Variants in CDH22 observed in about 807,000 individuals in gnomAD.
CDH22 encodes cadherin-22.
Under a neutral mutation model 58.4 loss-of-function variants are expected in CDH22, and 30 were observed. The ratio of observed to expected loss-of-function variants is 0.51; its 90% CI spans 0.38 to 0.70. The LOEUF is 0.70. Ranked by LOEUF, CDH22 falls within the 30% of genes least tolerant of loss-of-function variation. CDH22 has a pLI of 0.00. For missense variants in CDH22, 1,014 were observed against 1,233.9 expected (o/e 0.82, Z 2.67); for synonymous variants, 513 against 558.2 (o/e 0.92, Z 1.14).
chr20:46,243,107 C>A (rs2086303639), intron 2 of CDH22, among the ~76,000 whole-genome samples: 1 of 152,196 alleles, frequency 6.6e-6, no homozygotes, highest in African/African-American at 2.4e-5. Flanking sequence ...ACAAGAGAAT[C>A]CCTAAAGTTC....
At chr20:46,277,944 T>C (rs1314871940) in intron 1 of CDH22, among the ~76,000 whole-genome samples, 1 of 151,104 alleles carries the variant, frequency 6.6e-6, no homozygotes, top group Non-Finnish European at 1.5e-5. Context: ...AGGAGAGAGT[T>C]GGGTGTGCTC....
Position 46,277,787 on chromosome 20 carries a change from G to A in CDH22, c.-399-26094C>T, listed in dbSNP as rs556664024. On this transcript the variant is annotated intron_variant, in intron 1 of 11. Transcript: ENST00000537909. ...CCTGTGACCTGGTGATGGTTGTAAC[G>A]AGGAGGGGGCGGGCACCAGATTGGA... Among the ~76,000 whole-genome samples, 206 of 152,216 alleles carry A rather than the reference G, an allele frequency of 1.4e-3. 4 individuals carry two copies. In the South Asian group the frequency reaches 0.039, roughly 29 times the overall value.
At chr20:46,208,595 T>C (rs530743034) in intron 7 of CDH22, among the ~76,000 whole-genome samples, 3 of 152,196 alleles carry the variant, frequency 2.0e-5, no homozygotes, top group Admixed American at 2.0e-4. Flanking sequence ...TTTAATTAAT[T>C]AATTAATTTA....
At chr20:46,195,559 G>C (rs6032716) in intron 8 of CDH22, among the ~76,000 whole-genome samples, 6 of 152,160 alleles carry the variant, frequency 3.9e-5, no homozygotes, top group African/African-American at 1.4e-4. Flanking sequence ...AGTGTGGCTG[G>C]GTGCCCCCCT....
chr20:46,242,571 G>A (rs1423144095), intron 2 of CDH22, among the ~76,000 whole-genome samples: 4 of 152,248 alleles, frequency 2.6e-5, no homozygotes, highest in African/African-American at 7.2e-5. Flanking sequence ...CAGCCAGCAC[G>A]GTGGGGGCAC....
At chr20:46,293,645 G>A (rs1009316018) in intron 1 of CDH22, among the ~76,000 whole-genome samples, 2 of 152,102 alleles carry the variant, frequency 1.3e-5, no homozygotes, top group African/African-American at 4.8e-5. Context: ...TCAGTTCCTG[G>A]TTTTGGGGGT....
chr20:46,306,490 A>G (rs1317927693), intron 1 of CDH22, among the ~76,000 whole-genome samples: 1 of 152,234 alleles, frequency 6.6e-6, no homozygotes, highest in African/African-American at 2.4e-5. Context: ...CTGGCTTTAT[A>G]AAGTACCTGC....
chr20:46,234,910 C>A (rs1466156270), intron 3 of CDH22, among the ~76,000 whole-genome samples: 1 of 152,204 alleles, frequency 6.6e-6, no homozygotes, highest in Non-Finnish European at 1.5e-5. Flanking sequence ...ACATAGTAGG[C>A]CTAATATGTG....
intron 10 of CDH22, among the ~76,000 whole-genome samples, chr20:46,181,755 C>CTTTCTTTCTTTCT (rs2085789184): frequency 9.1e-6 from 1 of 109,562 alleles, no homozygotes; most frequent in African/African-American, 3.6e-5. Flanking sequence ...TTCCTTCCTT[C>CTTTCTTTCTTTCT]TTTCTTTCTT....
intron 11 of CDH22, 148 bp from the exon 12 acceptor site, chr20:46,175,225 A>G: frequency 1.3e-6 from 1 of 783,476 alleles, no homozygotes; most frequent in Non-Finnish European, 1.9e-6. Context: ...CTGTTCAAAA[A>G]GCCATTCTTG....
At chr20:46,227,359 A>G in intron 4 of CDH22, 149 bp downstream of exon 4, 2 of 712,394 alleles carry the variant, frequency 2.8e-6, no homozygotes, top group South Asian at 1.9e-5. Flanking sequence ...GCGACCCTGG[A>G]CTCTCCTGCT....
chr20:46,256,928 C>T (rs966301062), intron 1 of CDH22, among the ~76,000 whole-genome samples: 4 of 149,454 alleles, frequency 2.7e-5, no homozygotes, highest in African/African-American at 7.4e-5. Flanking sequence ...ATTGCTTGAG[C>T]CCAGGACTTC....
At chr20:46,234,569 T>C (rs907902322) in intron 3 of CDH22, among the ~76,000 whole-genome samples, 2 of 152,336 alleles carry the variant, frequency 1.3e-5, no homozygotes, top group East Asian at 3.9e-4. Context: ...ATCTATTAAA[T>C]ATGCTGCTCA....
intron 4 of CDH22, among the ~76,000 whole-genome samples, chr20:46,218,941 A>T (rs1020400001): frequency 6.6e-6 from 1 of 152,134 alleles, no homozygotes; most frequent in African/African-American, 2.4e-5. Flanking sequence ...AGGTGGAGTC[A>T]TGCACCAGCA....
chr20:46,261,204 G>A (rs565912403), intron 1 of CDH22, among the ~76,000 whole-genome samples: 5 of 152,358 alleles, frequency 3.3e-5, no homozygotes, highest in African/African-American at 1.2e-4. Context: ...GATGAGGCAT[G>A]TGAAGGAATC....
chr20:46,211,217 G>C (rs1373511430), intron 6 of CDH22, among the ~76,000 whole-genome samples: 1 of 152,194 alleles, frequency 6.6e-6, no homozygotes, highest in Non-Finnish European at 1.5e-5. Flanking sequence ...TGTTAGCTCT[G>C]ACCGTCTAAA....
chr20:46,290,795 A>G (rs190981437), intron 1 of CDH22, among the ~76,000 whole-genome samples: 35 of 152,086 alleles, frequency 2.3e-4, no homozygotes, highest in African/African-American at 7.2e-4. Context: ...TGAAAGAGAG[A>G]GAGAGAGTAA....
intron 1 of CDH22, among the ~76,000 whole-genome samples, chr20:46,301,779 C>G (rs1759221238): frequency 6.6e-6 from 1 of 152,030 alleles, no homozygotes; most frequent in Non-Finnish European, 1.5e-5. Flanking sequence ...CCCTTGCACT[C>G]CAGCTTGGGC....
At chr20:46,232,107 G>T (rs1444109186) in intron 3 of CDH22, among the ~76,000 whole-genome samples, 1 of 152,136 alleles carries the variant, frequency 6.6e-6, no homozygotes, top group Non-Finnish European at 1.5e-5. Context: ...GTTCTGACTT[G>T]GTTTGTTGTG....
Sources: gnomAD v4.1 joint callset for allele counts (sites outside exome capture counted in the v4.1 genomes callset) on GRCh38, gnomAD v4.1.1 for gene constraint, MANE v1.5 for transcripts, NCBI Gene and HGNC (gene_info 2026-07-23, HGNC 2026-07-21) for gene names.